Variants in JCAD observed in about 807,000 individuals in gnomAD.
JCAD encodes the protein junctional cadherin 5 associated.
Under a neutral mutation model 98.0 loss-of-function variants are expected in JCAD, and 40 were observed. That is an observed-to-expected ratio of 0.41 (90% CI 0.32 to 0.53). The LOEUF is 0.53. Ranked by LOEUF, JCAD falls within the 20% of genes least tolerant of loss-of-function variation. The pLI is 0.31. For missense variants in JCAD, 1,705 were observed against 1,738.1 expected (o/e 0.98, Z 0.34); for synonymous variants, 691 against 682.3 (o/e 1.01, Z -0.20).
At position 30,027,063 on chromosome 10, in the gene JCAD, C is replaced by A. The variant is rs370720434; in HGVS notation, c.3085G>T (p.Gly1029Trp). Residue 1029 changes from glycine (G) to tryptophan (W), a missense_variant, in exon 3 of 4, where the codon GGG (glycine) becomes TGG (tryptophan). Around this residue, in one of 3 missense-constraint regions of JCAD, gnomAD observed 1,278 missense variants for 1,243.1 expected, o/e 1.03. Coordinates refer to ENST00000375377, the MANE Select transcript of JCAD (RefSeq NM_020848.4). ...GACAGGGACAGTGGGAGCCCTGCCC[C>A]CCTCTCTCCACCACTGTCAAACTTC... Reference protein sequence around the residue: ...PRKFDSGGERGAGLPLSLSNK... With the variant: ...PRKFDSGGERWAGLPLSLSNK... The A allele has an allele frequency of 9.3e-6, 15 of 1,614,222 alleles. No individual in the cohort carries two copies. Among genetic ancestry groups the A allele is most frequent in the African/African-American group, 8.0e-5 (6 of 75,054 alleles).
chr10:30,054,567 A>G (rs1837529630), intron 1 of JCAD, among the ~76,000 whole-genome samples: 1 of 151,856 alleles, frequency 6.6e-6, no homozygotes, highest in South Asian at 2.1e-4. Context: ...TCATAACTTA[A>G]TATATTAACA....
chr10:30,022,133 G>A (rs964881554), intron 3 of JCAD, among the ~76,000 whole-genome samples: 11 of 152,108 alleles, frequency 7.2e-5, no homozygotes, highest in African/African-American at 9.7e-5. Flanking sequence ...ACCCGAACTC[G>A]TTTTGGGCTG....
intron 3 of JCAD, among the ~76,000 whole-genome samples, chr10:30,018,785 C>A (rs1836592291): frequency 6.6e-6 from 1 of 152,070 alleles, no homozygotes; most frequent in Admixed American, 6.6e-5. Context: ...TCAAAGGCTT[C>A]TTATTTTTTA....
At chr10:30,107,131 G>C (rs916941789) in intron 1 of JCAD, among the ~76,000 whole-genome samples, 1 of 151,212 alleles carries the variant, frequency 6.6e-6, no homozygotes, top group Non-Finnish European at 1.5e-5. Context: ...TGTCAGAGAT[G>C]TTTAAACCAG....
In JCAD at chr10:30,028,127, T is replaced by A; in HGVS notation, c.2021A>T (p.Glu674Val). The A allele has an allele frequency of 6.2e-7, 1 of 1,614,216 alleles. No homozygotes were observed. The highest frequency in any genetic ancestry group is 8.5e-7 in the Non-Finnish European group (1 of 1,180,032). The part of the protein sequence containing the change: ...LSFIHLTKHR[E>V]LKHSGSWPGH... ...TGGCCAAGAGCCAGAATGCTTGAGT[T>A]CTCTGTGCTTTGTAAGGTGGATGAA... The change falls in exon 3 of 4, where the codon GAA (glutamate) becomes GTA (valine). Residue 674 changes from glutamate (E) to valine (V), a missense_variant. This residue lies in a region of JCAD where 1,278 missense variants were observed against 1,243.1 expected (regional missense o/e 1.03). Coordinates refer to ENST00000375377, the MANE Select transcript of JCAD (RefSeq NM_020848.4).
At chr10:30,081,869 A>C (rs760547930) in intron 1 of JCAD, among the ~76,000 whole-genome samples, 15 of 152,248 alleles carry the variant, frequency 9.9e-5, no homozygotes, top group Admixed American at 2.6e-4. Context: ...TCCTGAAATT[A>C]GTAGACACTT....
chr10:30,074,546 C>T (rs1020762196), intron 1 of JCAD, among the ~76,000 whole-genome samples: 4 of 152,238 alleles, frequency 2.6e-5, no homozygotes, highest in Admixed American at 6.5e-5. Flanking sequence ...TGCCCACCTC[C>T]AGCTGCCAGC....
chr10:30,062,208 G>A (rs954158939), upstream of JCAD, among the ~76,000 whole-genome samples: 1 of 152,166 alleles, frequency 6.6e-6, no homozygotes, highest in Non-Finnish European at 1.5e-5. Flanking sequence ...TCAATTAGGG[G>A]AATGTAATGG....
intron 1 of JCAD, among the ~76,000 whole-genome samples, chr10:30,091,342 G>A (rs1010025904): frequency 1.3e-5 from 2 of 152,178 alleles, no homozygotes; most frequent in African/African-American, 4.8e-5. Flanking sequence ...TTTTCTTGGA[G>A]GGGCGTAGGA....
chr10:30,042,290 G>A (rs1344873043), intron 2 of JCAD, among the ~76,000 whole-genome samples: 1 of 152,178 alleles, frequency 6.6e-6, no homozygotes, highest in Non-Finnish European at 1.5e-5. Flanking sequence ...CTGCAGTGGG[G>A]AAAGCTCAGG....
intron 2 of JCAD, 30 bp from the exon 3 acceptor site, chr10:30,029,896 C>T: frequency 1.9e-6 from 3 of 1,587,034 alleles, no homozygotes; most frequent in Non-Finnish European, 2.6e-6. Flanking sequence ...AGACGTTAGG[C>T]ACAGAAGAAA....
At chr10:30,042,585 G>A (rs1239260749) in intron 2 of JCAD, among the ~76,000 whole-genome samples, 1 of 143,476 alleles carries the variant, frequency 7.0e-6, no homozygotes, top group Admixed American at 6.7e-5. Flanking sequence ...AGCAAAACAA[G>A]TACCCGGAGA....
At chr10:30,034,456 G>T (rs922828152) in intron 2 of JCAD, among the ~76,000 whole-genome samples, 4 of 152,128 alleles carry the variant, frequency 2.6e-5, no homozygotes, top group African/African-American at 4.8e-5. Flanking sequence ...ACCGGGCACG[G>T]TAGGAGGTCA....
intron 1 of JCAD, among the ~76,000 whole-genome samples, chr10:30,048,227 C>T (rs1399353174): frequency 1.3e-5 from 2 of 151,928 alleles, no homozygotes; most frequent in Non-Finnish European, 2.9e-5. Context: ...GGAAGGAGTG[C>T]GGACAAAAAA....
In JCAD at chr10:30,044,575, G is replaced by A. The variant is rs564171495; in HGVS notation, c.281+2957C>T. ...GAGGTCACTGTGTGGGATGGAGGAG[G>A]CAGCAAGACCACAGCTGTGCTTTTG... On this transcript the variant is annotated intron_variant, in intron 2 of 3. Coordinates refer to ENST00000375377, the MANE Select transcript of JCAD (RefSeq NM_020848.4). 6.6e-5 allele frequency among the ~76,000 whole-genome samples: 10 copies of A among 152,244 alleles called. No homozygotes were observed. In the East Asian group the frequency reaches 1.7e-3, roughly 26 times the overall value.
At chr10:30,078,591 C>T (rs1192036881) in intron 1 of JCAD, among the ~76,000 whole-genome samples, 2 of 152,182 alleles carry the variant, frequency 1.3e-5, no homozygotes, top group African/African-American at 4.8e-5. Flanking sequence ...TTGCTCTGAT[C>T]TGATAGCAAG....
chr10:30,040,785 G>A (rs567400938), intron 2 of JCAD, among the ~76,000 whole-genome samples: 32 of 152,254 alleles, frequency 2.1e-4, no homozygotes, highest in South Asian at 1.0e-3. Flanking sequence ...GTCCTTTGTC[G>A]AGAACGCAGA....
intron 2 of JCAD, among the ~76,000 whole-genome samples, chr10:30,068,022 C>T (rs888468839): frequency 2.0e-5 from 3 of 152,060 alleles, no homozygotes; most frequent in Admixed American, 6.5e-5. Context: ...CTTATGAGAC[C>T]ACCATCATAG....
rs536106406 is a variant in JCAD at position 30,083,381 on chromosome 10, A to G, written n.129-13560T>C. On this transcript the variant is annotated intron_variant and non_coding_transcript_variant, in intron 1 of 2. Coordinates refer to the JCAD transcript ENST00000465712. The stretch of plus-strand genomic sequence containing the variant: ...AGTCCTTTTCTAAAGGAATGGTTCT[A>G]TAAATAGTCACTCATGTCAGATTTT... 1.5e-4 allele frequency among the ~76,000 whole-genome samples: 23 copies of G among 152,314 alleles called. 3 individuals carry two copies. The South Asian group carries it at 4.8e-3, about 32-fold the overall frequency.
Sources: allele counts gnomAD v4.1 joint callset (sites outside exome capture counted in the v4.1 genomes callset), GRCh38; gene constraint gnomAD v4.1.1; regional missense constraint gnomAD v4.1.1; transcripts MANE v1.5; gene names NCBI Gene and HGNC (gene_info 2026-07-23, HGNC 2026-07-21).